The following VDR variants were observed in gnomAD, a reference collection of about 807,000 sequenced individuals.
The protein encoded by VDR is vitamin D3 receptor.
In VDR, 19 loss-of-function variants were observed where a neutral mutation model predicts 39.7. The observed-to-expected ratio is 0.48, with a 90% CI of 0.33 to 0.70. The LOEUF (loss-of-function observed/expected upper bound fraction) is 0.70. VDR is among the 30% of genes least tolerant of loss of function. VDR has a pLI of 0.02. For missense variants in VDR, 442 were observed against 570.5 expected (o/e 0.77, Z 2.29); for synonymous variants, 242 against 215.8 (o/e 1.12, Z -1.07).
intron 1 of VDR, among the ~76,000 whole-genome samples, chr12:47,894,964 C>G (rs1348587490): frequency 6.6e-6 from 1 of 152,236 alleles, no homozygotes; most frequent in Non-Finnish European, 1.5e-5. Context: ...TCCTCCGTGG[C>G]TACAACTCTT....
At chr12:47,866,806 A>T (rs1945745077) in intron 3 of VDR, among the ~76,000 whole-genome samples, 1 of 151,828 alleles carries the variant, frequency 6.6e-6, no homozygotes, top group Non-Finnish European at 1.5e-5. Context: ...CCTGGCCAAC[A>T]TGCCAAAACT....
rs146123301 is a variant in VDR, at chr12:47,887,397, T to C, written c.-83-4623A>G. ...AAAAGGATCCCTTTTTCTAAGACTC[T>C]TAGACTTTTCTAAGACACTAAGCCC... is the stretch of plus-strand genomic sequence containing the variant. On this transcript the variant is annotated intron_variant, in intron 1 of 9. Transcript: ENST00000549336. 7.8e-3 allele frequency among the ~76,000 whole-genome samples: 1,189 copies of C among 151,476 alleles called. 25 individuals carry two copies. Among genetic ancestry groups the C allele is most frequent in the African/African-American group, 0.027 (1,117 of 41,214 alleles).
chr12:47,855,526 T>A (rs1232242991), intron 7 of VDR, 104 bp downstream of exon 7: 1 of 1,401,332 alleles, frequency 7.1e-7, no homozygotes, highest in South Asian at 1.3e-5. Flanking sequence ...TTTAAAAAAA[T>A]AAAAAATAAA....
intron 3 of VDR, among the ~76,000 whole-genome samples, chr12:47,866,112 A>G (rs1592118909): frequency 7.6e-6 from 1 of 132,404 alleles, no homozygotes; most frequent in South Asian, 2.4e-4. Flanking sequence ...CCTAGAAAAA[A>G]CCCTTTTTTT....
chr12:47,848,339 G>A (rs538594452), intron 7 of VDR, among the ~76,000 whole-genome samples: 112 of 151,398 alleles, frequency 7.4e-4, no homozygotes, highest in African/African-American at 2.5e-3. Flanking sequence ...CCATCACCAC[G>A]CCTTTCAGCA....
intron 1 of VDR, among the ~76,000 whole-genome samples, chr12:47,887,629 T>C (rs943518560): frequency 6.6e-6 from 1 of 152,206 alleles, no homozygotes; most frequent in African/African-American, 2.4e-5. Context: ...GCGTCCACCT[T>C]TGTGGCCTGC....
At chr12:47,873,523 G>A (rs1336710897) in intron 3 of VDR, among the ~76,000 whole-genome samples, 5 of 150,610 alleles carry the variant, frequency 3.3e-5, no homozygotes, top group East Asian at 3.9e-4. Context: ...CACCTCGCCC[G>A]GCTAATTTTT....
At chr12:47,880,262 T>C (rs1404669674) in intron 2 of VDR, among the ~76,000 whole-genome samples, 1 of 152,082 alleles carries the variant, frequency 6.6e-6, no homozygotes, top group Non-Finnish European at 1.5e-5. Flanking sequence ...GGGTACCATT[T>C]CCTCCTGCCC....
chr12:47,859,914 CTTCTTTCTT>C (rs1442056455), intron 4 of VDR, among the ~76,000 whole-genome samples: 1 of 55,258 alleles, frequency 1.8e-5, no homozygotes, highest in South Asian at 6.7e-4. Flanking sequence ...TCCTTCCTTC[CTTCTTTCTT>C]TTTCTTTCTT....
intron 7 of VDR, among the ~76,000 whole-genome samples, chr12:47,851,525 C>G (rs1945387788): frequency 6.6e-6 from 1 of 152,212 alleles, no homozygotes; most frequent in Admixed American, 6.5e-5. Context: ...ACCCTCCGCC[C>G]CTGCCTGCAG....
At position 47,885,631 on chromosome 12, in the gene VDR, G is replaced by A. The variant is rs111861644; in HGVS notation, c.-83-2857C>T. Among the ~76,000 whole-genome samples the A allele has an allele frequency of 5.3e-5, 8 of 152,364 alleles. 1 individual carries two copies. The highest frequency in any genetic ancestry group is 1.2e-4 in the African/African-American group (5 of 41,586). On this transcript the variant is annotated intron_variant, in intron 1 of 9. Transcript: ENST00000549336. ...CATGGAGTGGACAAGAAGTCTGACC[G>A]CTAATGTCTTTTCTAGCTCTGAGAG...
chr12:47,878,706 C>T, intron 3 of VDR: 2 of 580,950 alleles, frequency 3.4e-6, no homozygotes, highest in Non-Finnish European at 6.4e-6. Flanking sequence ...CTGTGGGTTA[C>T]AGGCGTAATG....
chr12:47,872,806 A>G (rs752361895), intron 3 of VDR, among the ~76,000 whole-genome samples: 2 of 152,204 alleles, frequency 1.3e-5, no homozygotes, highest in Non-Finnish European at 2.9e-5. Flanking sequence ...TCTGTCCTCA[A>G]AACTAAGACA....
At chr12:47,845,801 G>C (rs1259605170) in intron 9 of VDR, among the ~76,000 whole-genome samples, 1 of 152,144 alleles carries the variant, frequency 6.6e-6, no homozygotes, top group Non-Finnish European at 1.5e-5. Flanking sequence ...CCCCTCTTTG[G>C]ACCTCATCAC....
At chr12:47,900,699 C>T (rs1946542097) in intron 1 of VDR, among the ~76,000 whole-genome samples, 1 of 152,190 alleles carries the variant, frequency 6.6e-6, no homozygotes, top group Non-Finnish European at 1.5e-5. Context: ...AGCAAAGCCT[C>T]GGGCCTCATG....
chr12:47,882,772 C>T lies in VDR; in HGVS notation c.-81G>A, dbSNP rs1279860676. The T allele has an allele frequency of 5.2e-6, 8 of 1,534,842 alleles. No individual in the cohort carries two copies. In the South Asian group the frequency reaches 9.5e-5, roughly 18 times the overall value. ...CTCACAGACACTTCAGACCCAAAGG[C>T]TTCTGAAATGAAGAAGGGGAAACCT... On this transcript the variant is annotated splice_region_variant and 5_prime_UTR_variant, in exon 2 of 10. Coordinates refer to ENST00000549336, the MANE Select transcript of VDR (RefSeq NM_000376.3).
chr12:47,886,313 G>T (rs936162822), intron 1 of VDR, among the ~76,000 whole-genome samples: 6 of 152,132 alleles, frequency 3.9e-5, no homozygotes, highest in Non-Finnish European at 8.8e-5. Context: ...CTGCCCCATC[G>T]AGTGCTAAGC....
intron 7 of VDR, among the ~76,000 whole-genome samples, chr12:47,853,249 T>C (rs1441242287): frequency 6.6e-6 from 1 of 150,844 alleles, no homozygotes; most frequent in Non-Finnish European, 1.5e-5. Context: ...AAGACCATCC[T>C]GGCTAACACG....
In VDR at chr12:47,865,034, C is replaced by T. The variant is rs375304200; in HGVS notation, c.277+13G>A. ...CTTCAGGCCCAAACCCTGCCCAGCCCCTGGACACTCACACTCCTTCATCAT... is the reference window on the plus strand; with the variant it reads ...CTTCAGGCCCAAACCCTGCCCAGCCTCTGGACACTCACACTCCTTCATCAT... On this transcript the variant is annotated intron_variant, in intron 4 of 9. Coordinates refer to ENST00000549336, the MANE Select transcript of VDR (RefSeq NM_000376.3). 2.1e-5 allele frequency: 34 copies of T among 1,613,004 alleles called. No homozygotes were observed. The East Asian group carries it at 2.5e-4, about 12-fold the overall frequency.
Sources: gnomAD v4.1 joint callset for allele counts (sites outside exome capture counted in the v4.1 genomes callset) on GRCh38, gnomAD v4.1.1 for gene constraint, MANE v1.5 for transcripts, NCBI Gene and HGNC (gene_info 2026-07-23, HGNC 2026-07-21) for gene names.